The following STARD9 variants were observed in gnomAD, a reference collection of about 807,000 sequenced individuals.
STARD9 encodes stAR-related lipid transfer protein 9.
Under a neutral mutation model 399.8 loss-of-function variants are expected in STARD9, and 346 were observed. The observed-to-expected ratio is 0.87, with a 90% CI of 0.79 to 0.95. The LOEUF (loss-of-function observed/expected upper bound fraction) is 0.95, where lower values mean the gene tolerates loss of function less well. Among genes scored for constraint, STARD9 ranks in the 40% least tolerant of loss-of-function variants. The pLI is 0.00. For missense variants in STARD9, 5,832 were observed against 5,667.5 expected, an observed-to-expected ratio of 1.03 and a Z score of -0.93; for synonymous variants, 2,203 against 2,143.5, an observed-to-expected ratio of 1.03 and a Z score of -0.77.
intron 16 of STARD9, chr15:42,672,560 CAG>C (rs1226203893): frequency 1.3e-5 from 2 of 152,296 alleles, no homozygotes; most frequent in African/African-American, 4.8e-5. Context: ...TTCTGTTTGA[CAG>C]TGTTTGTGGA....
intron 1 of STARD9, among the ~76,000 whole-genome samples, chr15:42,580,381 T>C (rs1339841419): frequency 6.6e-6 from 1 of 152,192 alleles, no homozygotes; most frequent in African/African-American, 2.4e-5. Context: ...GGAACATGAA[T>C]GGTGTTAGGC....
At chr15:42,717,864 C>T (rs369638641) in intron 29 of STARD9, 69 bp downstream of exon 29, 128 of 1,505,206 alleles carry the variant, frequency 8.5e-5, no homozygotes, top group Non-Finnish European at 1.1e-4. Context: ...TGGCTTCTCT[C>T]CTCCTTTCCC....
chr15:42,587,957 CCAG>C (rs1348037095), intron 3 of STARD9, among the ~76,000 whole-genome samples: 1 of 152,120 alleles, frequency 6.6e-6, no homozygotes, highest in Non-Finnish European at 1.5e-5. Flanking sequence ...CCAAGAAGAA[CCAG>C]CAAAGTAACT....
chr15:42,585,553 C>T lies in STARD9; in HGVS notation c.150C>T (p.Ser50=). 2 of 1,537,050 alleles carry T rather than the reference C, an allele frequency of 1.3e-6. No homozygotes were observed. Among genetic ancestry groups the T allele is most frequent in the Non-Finnish European group, 1.7e-6 (2 of 1,146,828 alleles). The part of the protein sequence containing the change: ...VDNRPDGFGD[S]REKVMAFGFD... ...ATCGACCAGATGGCTTTGGGGACTC[C>T]CGGGAGAAGGTTATGGCATTTGGCT... Residue 50 remains serine (S), a synonymous_variant, in exon 3 of 33, where the codon TCC becomes TCT. Coordinates refer to ENST00000290607, the MANE Select transcript of STARD9 (RefSeq NM_020759.3).
In STARD9 at chr15:42,684,323, C is replaced by T. The variant is rs2060498692; in HGVS notation, c.2745C>T (p.Ala915=). The part of the protein sequence containing the change: ...TARAALARKG[A]SAPDACLTMS... ...GAGCAGCCTTGGCCAGGAAGGGAGC[C>T]TCAGCTCCAGACGCTTGCCTCACCA... The change falls in exon 23 of 33, where the codon GCC becomes GCT. Residue 915 remains alanine (A), a synonymous_variant. Coordinates refer to ENST00000290607, the MANE Select transcript of STARD9 (RefSeq NM_020759.3). The T allele has an allele frequency of 6.5e-7, 1 of 1,536,654 alleles. No homozygotes were observed. Among genetic ancestry groups the T allele is most frequent in the Non-Finnish European group, 8.7e-7 (1 of 1,146,560 alleles).
intron 9 of STARD9, among the ~76,000 whole-genome samples, chr15:42,659,971 C>A (rs2059961554): frequency 1.3e-5 from 2 of 152,168 alleles, no homozygotes; most frequent in Admixed American, 1.3e-4. Flanking sequence ...ACCTGCACAT[C>A]CATCAAAAGG....
intron 3 of STARD9, among the ~76,000 whole-genome samples, chr15:42,587,487 C>T (rs1036594160): frequency 6.6e-6 from 1 of 152,216 alleles, no homozygotes; most frequent in Non-Finnish European, 1.5e-5. Context: ...CTGCCCTCCA[C>T]TGAGTCTTCT....
At chr15:42,608,032 T>C (rs1393971375) in intron 3 of STARD9, among the ~76,000 whole-genome samples, 2 of 152,182 alleles carry the variant, frequency 1.3e-5, no homozygotes, top group Non-Finnish European at 2.9e-5. Context: ...ATCTTATTTT[T>C]TGTTTTTTTG....
chr15:42,596,280 G>A (rs903911524), intron 3 of STARD9, among the ~76,000 whole-genome samples: 1 of 152,130 alleles, frequency 6.6e-6, no homozygotes, highest in South Asian at 2.1e-4. Flanking sequence ...TGTCCTTGAT[G>A]TTACCCCATT....
chr15:42,613,279 T>C (rs544668194), intron 3 of STARD9, among the ~76,000 whole-genome samples: 1 of 152,240 alleles, frequency 6.6e-6, no homozygotes, highest in Admixed American at 6.5e-5. Context: ...GGGACTGGCC[T>C]AGGGACAGAG....
chr15:42,582,856 C>G (rs896312278), intron 1 of STARD9, among the ~76,000 whole-genome samples: 5 of 152,110 alleles, frequency 3.3e-5, no homozygotes, highest in African/African-American at 7.2e-5. Context: ...CACTGCTCCC[C>G]GCACTCTCTA....
chr15:42,588,739 A>C (rs1277784437), intron 3 of STARD9, among the ~76,000 whole-genome samples: 1 of 141,646 alleles, frequency 7.1e-6, no homozygotes, highest in Non-Finnish European at 1.5e-5. Context: ...GGGGTGGAAA[A>C]GAATTTGGAT....
rs772774346 is a variant in STARD9 at position 42,688,080 on chromosome 15, A to C, written c.6502A>C (p.Thr2168Pro). The change falls in exon 23 of 33, where the codon ACC becomes CCC. Residue 2168 changes from threonine to proline, a missense_variant. By Grantham distance (38) the Thr-to-Pro change is conservative. Coordinates refer to ENST00000290607, the MANE Select transcript of STARD9 (RefSeq NM_020759.3). ...VRESEPVREH[T>P]HPAGSDRPAR... is the part of the protein sequence containing the mutation. ...AGAGAGTGAACCTGTGAGAGAGCAC[A>C]CCCACCCAGCTGGATCGGACAGACC... 1.1e-4 allele frequency: 174 copies of C among 1,537,222 alleles called. No individual in the cohort carries two copies. The highest frequency in any genetic ancestry group is 1.4e-4 in the Non-Finnish European group (163 of 1,146,956).
At chr15:42,632,943 T>C (rs1468636109) in intron 3 of STARD9, among the ~76,000 whole-genome samples, 3 of 152,070 alleles carry the variant, frequency 2.0e-5, no homozygotes, top group African/African-American at 4.8e-5. Context: ...AGGAGTTCAG[T>C]ACCAGTCTGG....
chr15:42,657,903 C>A (rs1335248207), intron 9 of STARD9, among the ~76,000 whole-genome samples: 1 of 152,072 alleles, frequency 6.6e-6, no homozygotes, highest in Non-Finnish European at 1.5e-5. Context: ...GGTGGGAGAA[C>A]AATTGGATGT....
intron 1 of STARD9, among the ~76,000 whole-genome samples, chr15:42,580,736 C>T (rs1458603809): frequency 2.6e-5 from 4 of 152,114 alleles, no homozygotes; most frequent in Admixed American, 1.3e-4. Flanking sequence ...CGCTTGAACC[C>T]GGGAGGCAGA....
chr15:42,664,290 A>G (rs889890368), intron 13 of STARD9, among the ~76,000 whole-genome samples: 2 of 152,180 alleles, frequency 1.3e-5, no homozygotes, highest in Admixed American at 1.3e-4. Flanking sequence ...GGCTCACTCT[A>G]AGAAAGTTCA....
chr15:42,641,428 C>G (rs886738215), intron 7 of STARD9, among the ~76,000 whole-genome samples: 1 of 151,952 alleles, frequency 6.6e-6, no homozygotes, highest in Non-Finnish European at 1.5e-5. Context: ...AGGGTTGTTA[C>G]ATATGTATGC....
intron 26 of STARD9, among the ~76,000 whole-genome samples, chr15:42,710,507 C>T (rs2061191624): frequency 6.6e-6 from 1 of 152,192 alleles, no homozygotes; most frequent in Non-Finnish European, 1.5e-5. Context: ...CAGCCCTTGG[C>T]AACCACGAAT....
Sources: gnomAD v4.1 joint callset for allele counts (sites outside exome capture counted in the v4.1 genomes callset) on GRCh38, gnomAD v4.1.1 for gene constraint, MANE v1.5 for transcripts, NCBI Gene and HGNC (gene_info 2026-07-23, HGNC 2026-07-21) for gene names.